The following PKN2 variants were observed in gnomAD, a reference collection of about 807,000 sequenced individuals.
The protein encoded by PKN2 is serine/threonine-protein kinase N2.
PKN2 carries 38 observed loss-of-function variants against 119.1 expected under a neutral mutation model. The observed-to-expected ratio is 0.32, with a 90% confidence interval of 0.25 to 0.42. The LOEUF (loss-of-function observed/expected upper bound fraction) is 0.42, where lower values mean the gene tolerates loss of function less well. Ranked by LOEUF, PKN2 falls within the 10% of genes least tolerant of loss-of-function variation. PKN2 has a pLI of 1.00. For synonymous variants in PKN2, 390 were observed against 384.9 expected (o/e 1.01, Z -0.15); for missense variants, 850 against 1,165.1 (o/e 0.73, Z 3.94).
At chr1:88,814,614 A>G (rs1671911828) in intron 16 of PKN2, among the ~76,000 whole-genome samples, 1 of 151,850 alleles carries the variant, frequency 6.6e-6, no homozygotes, top group African/African-American at 2.4e-5. Context: ...TTTTCTACCT[A>G]CCTCATCTAC....
rs540637972 is a variant in PKN2, at chr1:88,803,251, C to T, written c.1282-1140C>T. On this transcript the variant is annotated intron_variant, in intron 8 of 21. Transcript: ENST00000370521. Reference sequence around the variant, plus strand: ...CCCTCTGGCACATTGTATTTTGATTCTTTTCATGTTGCATTTTTTATAAGT... The same window carrying T: ...CCCTCTGGCACATTGTATTTTGATTTTTTTCATGTTGCATTTTTTATAAGT... 2.6e-5 allele frequency among the ~76,000 whole-genome samples: 4 copies of T among 152,082 alleles called. No homozygotes were observed. In the South Asian group the frequency reaches 8.3e-4, roughly 32 times the overall value.
rs1300268177 is a variant in PKN2 at position 88,787,685 on chromosome 1, C to A, written c.1281+1472C>A. Among the ~76,000 whole-genome samples the A allele has an allele frequency of 2.6e-5, 4 of 152,318 alleles. No homozygotes were observed. The East Asian group carries it at 7.7e-4, about 29-fold the overall frequency. ...CTGTGATAACTGTTATTTGTTCTTT[C>A]CCTGCCATTGTAATCTTCACCTGAA... On this transcript the variant is annotated intron_variant, in intron 8 of 21. Transcript: ENST00000370521.
chr1:88,756,769 G>A (rs570902710), intron 2 of PKN2, among the ~76,000 whole-genome samples: 270 of 152,214 alleles, frequency 1.8e-3, no homozygotes, highest in African/African-American at 5.6e-3. Context: ...TGGACTTAAC[G>A]GAGATACACT....
rs563348027 is a variant in PKN2 at position 88,833,641 on chromosome 1, G to A, written c.*193G>A. On this transcript the variant is annotated 3_prime_UTR_variant, in exon 22 of 22. Transcript: ENST00000370521. ...AAGTGGCTCCTCATTGTACTTCAGCGTAAATATGAGCACTGGAAACAGTTT... is the reference window on the plus strand; with the variant it reads ...AAGTGGCTCCTCATTGTACTTCAGCATAAATATGAGCACTGGAAACAGTTT... 4.2e-5 allele frequency: 23 copies of A among 553,578 alleles called. No homozygotes were observed. The South Asian group carries it at 4.2e-4, about 10-fold the overall frequency. 34.3% of individuals were successfully genotyped at this position (553,578 alleles called of 1,614,324 possible).
At chr1:88,769,931 AAG>A (rs1456276249) in intron 3 of PKN2, among the ~76,000 whole-genome samples, 5 of 152,196 alleles carry the variant, frequency 3.3e-5, no homozygotes, top group Non-Finnish European at 5.9e-5. Flanking sequence ...AAAATATGCT[AAG>A]AGAGTAAATT....
chr1:88,818,645 CTCA>C (rs1672117024), intron 16 of PKN2, among the ~76,000 whole-genome samples: 1 of 133,792 alleles, frequency 7.5e-6, no homozygotes, highest in African/African-American at 3.1e-5. Flanking sequence ...GAGACTCCTT[CTCA>C]AAAAAAAAAA....
chr1:88,789,894 T>C (rs1310362420), intron 8 of PKN2, among the ~76,000 whole-genome samples: 1 of 152,160 alleles, frequency 6.6e-6, no homozygotes, highest in Non-Finnish European at 1.5e-5. Context: ...TGTCCATAGA[T>C]GAACCAAGTT....
chr1:88,771,829 T>C lies in PKN2; in HGVS notation c.935T>C (p.Ile312Thr), dbSNP rs780702051. ...SPTLSPRQSM[I>T]STQNQYSTLS... ...ACACTAAGTCCACGTCAAAGTATGATATCTACGCAAAATCAATATAGTACA... is the reference window on the plus strand; with the variant it reads ...ACACTAAGTCCACGTCAAAGTATGACATCTACGCAAAATCAATATAGTACA... Residue 312 changes from isoleucine (I) to threonine (T), a missense_variant, in exon 6 of 22, where the codon ATA becomes ACA. Ile to Thr is a moderately conservative substitution (Grantham distance 89). Around this residue, in one of 9 missense-constraint regions of PKN2, gnomAD observed 350 missense variants for 511.1 expected, o/e 0.68. Coordinates refer to ENST00000370521, the MANE Select transcript of PKN2 (RefSeq NM_006256.4). 6.2e-7 allele frequency: 1 copy of C among 1,614,040 alleles called. No homozygotes were observed. The highest frequency in any genetic ancestry group is 1.3e-5 in the African/African-American group (1 of 75,038).
intron 2 of PKN2, among the ~76,000 whole-genome samples, chr1:88,757,067 G>GA (rs1669235974): frequency 6.6e-6 from 1 of 151,918 alleles, no homozygotes; most frequent in Non-Finnish European, 1.5e-5. Flanking sequence ...GATTTGATTT[G>GA]AAAACTTACC....
chr1:88,699,917 G>A (rs1314475704), intron 1 of PKN2, among the ~76,000 whole-genome samples: 1 of 151,992 alleles, frequency 6.6e-6, no homozygotes, highest in African/African-American at 2.4e-5. Context: ...CGAGTAGCTA[G>A]GATTACAGGT....
intron 1 of PKN2, among the ~76,000 whole-genome samples, chr1:88,705,469 C>G (rs1483299618): frequency 4.0e-5 from 6 of 151,772 alleles, no homozygotes; most frequent in Admixed American, 3.3e-4. Context: ...CCGAGGCAGG[C>G]AGATCACGAG....
At chr1:88,830,400 T>TAAAATAGTTAATC (rs1672682584) in intron 19 of PKN2, among the ~76,000 whole-genome samples, 1 of 152,134 alleles carries the variant, frequency 6.6e-6, no homozygotes, top group African/African-American at 2.4e-5. Flanking sequence ...GAAGTTCTCA[T>TAAAATAGTTAATC]AAAATAGTTA....
chr1:88,765,171 C>T (rs956009782), intron 3 of PKN2, among the ~76,000 whole-genome samples: 2 of 151,996 alleles, frequency 1.3e-5, no homozygotes, highest in African/African-American at 2.4e-5. Context: ...TCAAGTGATC[C>T]GCCCGCCTGG....
chr1:88,711,439 G>C (rs1667232098), intron 1 of PKN2, among the ~76,000 whole-genome samples: 1 of 152,004 alleles, frequency 6.6e-6, no homozygotes, highest in Non-Finnish European at 1.5e-5. Flanking sequence ...CCTCAGATTT[G>C]GTACATGCTG....
At chr1:88,719,164 A>G (rs564784305) in intron 1 of PKN2, among the ~76,000 whole-genome samples, 36 of 152,338 alleles carry the variant, frequency 2.4e-4, no homozygotes, top group African/African-American at 7.9e-4. Context: ...ATTTGTGTCA[A>G]ATTGCCAGTG....
intron 6 of PKN2, among the ~76,000 whole-genome samples, chr1:88,775,857 G>A (rs1050913994): frequency 2.6e-5 from 4 of 152,194 alleles, no homozygotes; most frequent in African/African-American, 9.6e-5. Flanking sequence ...TGTAATCTCA[G>A]CACTTTGGGA....
intron 8 of PKN2, among the ~76,000 whole-genome samples, chr1:88,793,551 A>C (rs1228817944): frequency 6.6e-6 from 1 of 152,090 alleles, no homozygotes; most frequent in East Asian, 1.9e-4. Context: ...GATATTCATT[A>C]AGGATGACTT....
intron 10 of PKN2, among the ~76,000 whole-genome samples, chr1:88,805,185 A>G (rs1042510233): frequency 6.6e-6 from 1 of 152,170 alleles, no homozygotes; most frequent in Non-Finnish European, 1.5e-5. Flanking sequence ...TCAAATTTGA[A>G]GCAAACCCAG....
chr1:88,759,626 C>G (rs1268789176), intron 2 of PKN2, among the ~76,000 whole-genome samples: 1 of 152,240 alleles, frequency 6.6e-6, no homozygotes, highest in Non-Finnish European at 1.5e-5. Flanking sequence ...TGTAGGTTGT[C>G]TGTTTACTCT....
Sources: gnomAD v4.1 joint callset for allele counts (sites outside exome capture counted in the v4.1 genomes callset) on GRCh38, gnomAD v4.1.1 for gene constraint, gnomAD v4.1.1 regional missense constraint, MANE v1.5 for transcripts, NCBI Gene and HGNC (gene_info 2026-07-23, HGNC 2026-07-21) for gene names.